KIAA0513: variants seen among roughly 807,000 people sequenced by gnomAD.
KIAA0513 encodes KIAA0513.
In KIAA0513, 39 loss-of-function variants were observed where a neutral mutation model predicts 56.5. The ratio of observed to expected loss-of-function variants is 0.69; its 90% CI spans 0.53 to 0.90. The LOEUF is 0.90. KIAA0513 is among the 40% of genes least tolerant of loss of function. KIAA0513 has a pLI of 0.00. For missense variants in KIAA0513, 591 were observed against 535.2 expected (o/e 1.10, Z -1.03); for synonymous variants, 268 against 215.6 (o/e 1.24, Z -2.13).
chr16:85,060,717 G>A (rs1252411308), intron 1 of KIAA0513, among the ~76,000 whole-genome samples: 2 of 152,004 alleles, frequency 1.3e-5, no homozygotes, highest in South Asian at 2.1e-4. Context: ...GGTAGCACAT[G>A]CCTATAGTCC....
chr16:85,048,246 T>A (rs948789880), intron 1 of KIAA0513, among the ~76,000 whole-genome samples: 2 of 152,114 alleles, frequency 1.3e-5, no homozygotes, highest in Non-Finnish European at 2.9e-5. Context: ...AGGGAAGCCC[T>A]CTGCACCCAC....
intron 2 of KIAA0513, among the ~76,000 whole-genome samples, chr16:85,068,730 G>A (rs1187819999): frequency 2.0e-5 from 3 of 152,216 alleles, no homozygotes; most frequent in Non-Finnish European, 4.4e-5. Context: ...GCCTCCCAAA[G>A]TGCTGGGATT....
At chr16:85,084,250 C>CT (rs57226779) in intron 10 of KIAA0513, among the ~76,000 whole-genome samples, 46,680 of 132,194 alleles carry the variant, frequency 0.35, 8,228 homozygotes, top group Middle Eastern at 0.44. Flanking sequence ...TTTTCTTTTT[C>CT]TTTTTTTTTT....
At chr16:85,034,583 A>G (rs2073009576) in intron 1 of KIAA0513, among the ~76,000 whole-genome samples, 1 of 152,178 alleles carries the variant, frequency 6.6e-6, no homozygotes, top group Admixed American at 6.5e-5. Flanking sequence ...GTCCAGGGCA[A>G]GTACAGAGGA....
chr16:85,030,534 G>A (rs570788161), intron 1 of KIAA0513, among the ~76,000 whole-genome samples: 1 of 152,094 alleles, frequency 6.6e-6, no homozygotes, highest in Admixed American at 6.6e-5. Context: ...ATCACCTGAG[G>A]TCAGGAGTTC....
rs1283748393 is a variant in KIAA0513, at chr16:85,089,020, T to A, written c.*695T>A. ...GCCTGCAGACGGCCCGGGAGCTGTG[T>A]GTCTCCGCCAGAGTCACAGCAGTGC... On this transcript the variant is annotated 3_prime_UTR_variant, in exon 13 of 13. Transcript: ENST00000683363. This position sits in a 1 kb window ranked among gnomAD's most constrained non-coding sequence, Gnocchi z 4.2. 1 of 152,280 alleles carries A rather than the reference T, an allele frequency of 6.6e-6. No individual in the cohort carries two copies. The highest frequency in any genetic ancestry group is 6.5e-5 in the Admixed American group (1 of 15,284). 9.4% of individuals were successfully genotyped at this position (152,280 alleles called of 1,614,324 possible).
intron 10 of KIAA0513, among the ~76,000 whole-genome samples, chr16:85,083,877 C>A (rs1222443221): frequency 6.6e-6 from 1 of 152,162 alleles, no homozygotes; most frequent in African/African-American, 2.4e-5. Context: ...CTTCTGCTGA[C>A]AGCAAGATGC....
At chr16:85,078,775 A>C (rs2073697518) in intron 7 of KIAA0513, 150 bp from the exon 8 acceptor site, 1 of 813,440 alleles carries the variant, frequency 1.2e-6, no homozygotes, top group African/African-American at 1.7e-5. Context: ...GTTACTGGCT[A>C]TGGCTAGCAG....
At chr16:85,054,705 C>T (rs570860728) in intron 1 of KIAA0513, among the ~76,000 whole-genome samples, 2 of 152,170 alleles carry the variant, frequency 1.3e-5, no homozygotes, top group East Asian at 1.9e-4. Flanking sequence ...TCTGGGATTA[C>T]AGGCATGAGC....
chr16:85,038,723 A>T (rs1353720951), intron 1 of KIAA0513, among the ~76,000 whole-genome samples: 10 of 115,206 alleles, frequency 8.7e-5, no homozygotes, highest in Admixed American at 6.7e-4. Flanking sequence ...AAAAAAAAAA[A>T]TAATAATAAT....
chr16:85,078,331 C>T (rs1456541826), intron 6 of KIAA0513, 84 bp from the exon 7 acceptor site: 8 of 1,479,096 alleles, frequency 5.4e-6, no homozygotes, highest in Non-Finnish European at 7.5e-6. Flanking sequence ...CCCAGTCCCA[C>T]CTTAGAAGTG....
At position 85,081,719 on chromosome 16, in the gene KIAA0513, G is replaced by A. The variant is rs779165147; in HGVS notation, c.980+327G>A. Reference sequence around the variant, plus strand: ...GTTTGCTGGACAAAATCAGCATCCTGAGGATGAACGCTTGGAGCAGGGTCC... The same window carrying A: ...GTTTGCTGGACAAAATCAGCATCCTAAGGATGAACGCTTGGAGCAGGGTCC... On this transcript the variant is annotated intron_variant, in intron 9 of 12. Transcript: ENST00000683363. This position sits in a 1 kb window ranked among gnomAD's most constrained non-coding sequence, Gnocchi z 4.4. Among the ~76,000 whole-genome samples the A allele has an allele frequency of 1.2e-4, 18 of 152,228 alleles. No homozygotes were observed. The highest frequency in any genetic ancestry group is 4.4e-5 in the Non-Finnish European group (3 of 68,038).
At chr16:85,066,470 T>G (rs1171548141) in intron 1 of KIAA0513, among the ~76,000 whole-genome samples, 1 of 151,870 alleles carries the variant, frequency 6.6e-6, no homozygotes, top group Admixed American at 6.6e-5. Flanking sequence ...AAGGAGGAGG[T>G]CAGAGCTCAG....
intron 1 of KIAA0513, among the ~76,000 whole-genome samples, chr16:85,064,277 AT>A (rs1218256866): frequency 6.6e-6 from 1 of 152,122 alleles, no homozygotes; most frequent in African/African-American, 2.4e-5. Flanking sequence ...AAGTGTTGGG[AT>A]TACGGGAGTG....
Position 85,092,056 on chromosome 16 carries a change from C to T in KIAA0513, c.*3731C>T, listed in dbSNP as rs548142835. The stretch of plus-strand genomic sequence containing the variant: ...CTCCCGGGTTCAAGCAATTCTCCTG[C>T]CTCAGCCTCCTGAGTAGCTGGGATG... On this transcript the variant is annotated 3_prime_UTR_variant, in exon 13 of 13. Coordinates refer to ENST00000683363, the MANE Select transcript of KIAA0513 (RefSeq NM_001388359.1). The T allele has an allele frequency of 6.6e-6, 1 of 152,106 alleles. No individual in the cohort carries two copies. Among genetic ancestry groups the T allele is most frequent in the South Asian group, 2.1e-4 (1 of 4,802 alleles). The allele number at this position is 152,106 out of a possible 1,614,324, so 9.4% of individuals were successfully genotyped here. A position where few individuals can be genotyped will look rare whatever the true frequency, so the allele number is the denominator to read the frequency against.
intron 1 of KIAA0513, among the ~76,000 whole-genome samples, chr16:85,044,403 T>G (rs1239944833): frequency 6.6e-6 from 1 of 152,222 alleles, no homozygotes; most frequent in Non-Finnish European, 1.5e-5. Context: ...GGGGGACACG[T>G]TGACAATGTT....
chr16:85,034,506 G>C (rs2073008579), intron 1 of KIAA0513, among the ~76,000 whole-genome samples: 1 of 152,168 alleles, frequency 6.6e-6, no homozygotes, highest in Admixed American at 6.5e-5. Flanking sequence ...TGTGGGGAAA[G>C]GGCTTTTATT....
chr16:85,032,988 T>C (rs2072986656), intron 1 of KIAA0513, among the ~76,000 whole-genome samples: 1 of 151,996 alleles, frequency 6.6e-6, no homozygotes, highest in African/African-American at 2.4e-5. Flanking sequence ...CCTCAGCATA[T>C]CTTTTGGGTC....
At chr16:85,078,848 G>A in intron 7 of KIAA0513, 77 bp from the exon 8 acceptor site, 2 of 1,479,680 alleles carry the variant, frequency 1.4e-6, no homozygotes, top group Non-Finnish European at 1.9e-6. Flanking sequence ...CTGGCTGCTG[G>A]GAGGCTGTCA....
Sources: allele counts gnomAD v4.1 joint callset (sites outside exome capture counted in the v4.1 genomes callset), GRCh38; gene constraint gnomAD v4.1.1; non-coding constraint Gnocchi (gnomAD v3.1); transcripts MANE v1.5; gene names NCBI Gene and HGNC (gene_info 2026-07-23, HGNC 2026-07-21).